CDK5RAP2: variants seen among roughly 807,000 people sequenced by gnomAD.
The protein encoded by CDK5RAP2 is CDK5 regulatory subunit associated protein 2, also known as CDK5 regulatory subunit-associated protein 2.
A neutral mutation model predicts 232.9 loss-of-function variants in CDK5RAP2; 147 were observed. The ratio of observed to expected loss-of-function variants is 0.63; its 90% CI spans 0.55 to 0.72. The LOEUF is 0.72. CDK5RAP2 is among the 30% of genes least tolerant of loss of function. The pLI, the probability that CDK5RAP2 is intolerant of heterozygous loss-of-function variation, is 0.00. For synonymous variants in CDK5RAP2, 833 were observed against 833.7 expected, an observed-to-expected ratio of 1.00 and a Z score of 0.01; for missense variants, 2,195 against 2,231.5, an observed-to-expected ratio of 0.98 and a Z score of 0.33.
chr9:120,442,803 C>G (rs372675953), intron 23 of CDK5RAP2, among the ~76,000 whole-genome samples: 104 of 152,286 alleles, frequency 6.8e-4, no homozygotes, highest in African/African-American at 2.4e-3. Flanking sequence ...TGCAGTGACT[C>G]TGGACCTTGC....
chr9:120,454,967 G>A (rs140703145), intron 20 of CDK5RAP2, among the ~76,000 whole-genome samples: 94 of 152,252 alleles, frequency 6.2e-4, no homozygotes, highest in African/African-American at 2.0e-3. Flanking sequence ...CCATATCTCA[G>A]GCTCTGCTTT....
intron 22 of CDK5RAP2, among the ~76,000 whole-genome samples, chr9:120,447,447 G>A (rs774430173): frequency 3.3e-5 from 5 of 152,208 alleles, no homozygotes; most frequent in Admixed American, 6.5e-5. Context: ...CAAAGAGGGT[G>A]GGGAAGTGGG....
At position 120,403,612 on chromosome 9, in the gene CDK5RAP2, T is replaced by TG; in HGVS notation, c.5041+423dup. 3.3e-6 allele frequency: 1 copy of TG among 303,210 alleles called. No individual in the cohort carries two copies. Among genetic ancestry groups the TG allele is most frequent in the Middle Eastern group, 1.1e-3 (1 of 890 alleles). 18.8% of individuals were successfully genotyped at this position (303,210 alleles called of 1,614,324 possible). A position where few individuals can be genotyped will look rare whatever the true frequency, so the allele number is the denominator to read the frequency against. The stretch of plus-strand genomic sequence containing the variant: ...AGAAATGTGTATTCATGATGAGTCT[T>TG]GAGGAAACGGGACTTCTACCGGCAA... On this transcript the variant is annotated intron_variant, in intron 33 of 37. Transcript: ENST00000349780. This position sits in a 1 kb window ranked among gnomAD's most constrained non-coding sequence, Gnocchi z 4.2.
At position 120,491,494 on chromosome 9, in the gene CDK5RAP2, A is replaced by G. The variant is rs767282019; in HGVS notation, c.1312-17T>C. On this transcript the variant is annotated splice_polypyrimidine_tract_variant and intron_variant, in intron 12 of 37. Coordinates refer to ENST00000349780, the MANE Select transcript of CDK5RAP2 (RefSeq NM_018249.6). ...TCTAAGATCCTACCAGAAGAAAATG[A>G]AAAAATGGAATTTACTTGACAAAAA... 20 of 1,592,414 alleles carry G rather than the reference A, an allele frequency of 1.3e-5. No homozygotes were observed. The South Asian group carries it at 2.2e-4, about 18-fold the overall frequency.
chr9:120,496,027 T>TG (rs2039205286), intron 12 of CDK5RAP2, among the ~76,000 whole-genome samples: 1 of 60,286 alleles, frequency 1.7e-5, no homozygotes, highest in South Asian at 7.2e-4. Flanking sequence ...GGGAGGGAGG[T>TG]GGGGGGGTCA....
intron 10 of CDK5RAP2, among the ~76,000 whole-genome samples, chr9:120,525,557 C>G (rs778213392): frequency 1.6e-4 from 25 of 152,074 alleles, no homozygotes; most frequent in Non-Finnish European, 2.8e-4. Context: ...AGTGTCCTGA[C>G]ACACTGAAGG....
In CDK5RAP2 at chr9:120,458,325, C is replaced by G. The variant is rs1404331983; in HGVS notation, c.2375+125G>C. On this transcript the variant is annotated intron_variant, in intron 20 of 37. Coordinates refer to ENST00000349780, the MANE Select transcript of CDK5RAP2 (RefSeq NM_018249.6). The stretch of plus-strand genomic sequence containing the variant: ...AATTTCATGACTGGCAAGATTCCTT[C>G]CAAGCCATTTCAGGAGCTCTCTCAG... The G allele has an allele frequency of 1.7e-5, 16 of 925,528 alleles. No individual in the cohort carries two copies. In the Admixed American group the frequency reaches 3.2e-4, roughly 19 times the overall value. 57.3% of individuals were successfully genotyped at this position (925,528 alleles called of 1,614,324 possible).
chr9:120,571,832 T>C (rs1435935145), intron 2 of CDK5RAP2, 142 bp downstream of exon 2: 6 of 708,976 alleles, frequency 8.5e-6, no homozygotes, highest in African/African-American at 5.2e-5. Flanking sequence ...AATCAATACA[T>C]ACAAAAAATA....
intron 28 of CDK5RAP2, among the ~76,000 whole-genome samples, chr9:120,414,623 T>C (rs1331023675): frequency 6.6e-6 from 1 of 152,198 alleles, no homozygotes; most frequent in Non-Finnish European, 1.5e-5. Flanking sequence ...AGCACATGAA[T>C]GTCTTACCTA....
chr9:120,400,513 G>C (rs574360390), intron 35 of CDK5RAP2, among the ~76,000 whole-genome samples: 3 of 152,310 alleles, frequency 2.0e-5, no homozygotes, highest in African/African-American at 7.2e-5. Context: ...TGTAGAATGC[G>C]GACGGGATTC....
intron 15 of CDK5RAP2, among the ~76,000 whole-genome samples, chr9:120,472,679 G>A (rs1157484642): frequency 1.3e-5 from 2 of 152,202 alleles, no homozygotes; most frequent in East Asian, 3.8e-4. Flanking sequence ...GAGAGGAGAT[G>A]TAGTGCTAAG....
intron 4 of CDK5RAP2, among the ~76,000 whole-genome samples, chr9:120,546,695 C>G (rs904100294): frequency 6.6e-6 from 1 of 152,080 alleles, no homozygotes; most frequent in African/African-American, 2.4e-5. Context: ...TGCAGTGGTA[C>G]TATCATAGCT....
intron 25 of CDK5RAP2, among the ~76,000 whole-genome samples, chr9:120,423,281 C>T (rs1468491315): frequency 6.6e-6 from 1 of 152,178 alleles, no homozygotes; most frequent in African/African-American, 2.4e-5. Flanking sequence ...TGCATTACCA[C>T]AATTTTGCCA....
Position 120,525,225 on chromosome 9 carries a change from C to T in CDK5RAP2, c.1000-147G>A, listed in dbSNP as rs895864085. On this transcript the variant is annotated intron_variant, in intron 10 of 37. Coordinates refer to ENST00000349780, the MANE Select transcript of CDK5RAP2 (RefSeq NM_018249.6). ...ATTCGAGTGGGATTTCCAGTTTAGC[C>T]GTTTACTAGCTGGATGACTTCAGGC... The T allele has an allele frequency of 3.9e-5, 27 of 689,516 alleles. No homozygotes were observed. In the East Asian group the frequency reaches 5.1e-4, roughly 13 times the overall value. 42.7% of individuals were successfully genotyped at this position (689,516 alleles called of 1,614,324 possible). A position where few individuals can be genotyped will look rare whatever the true frequency, so the allele number is the denominator to read the frequency against.
At chr9:120,528,899 C>T in intron 8 of CDK5RAP2, 102 bp from the exon 9 acceptor site, 1 of 816,956 alleles carries the variant, frequency 1.2e-6, no homozygotes, top group South Asian at 1.4e-5. Flanking sequence ...TCACCTTCCC[C>T]CACTACTGTG....
intron 12 of CDK5RAP2, among the ~76,000 whole-genome samples, chr9:120,494,090 T>TAAAAAAAA (rs532352159): frequency 1.7e-5 from 2 of 119,270 alleles, no homozygotes; most frequent in Non-Finnish European, 3.6e-5. Context: ...AGACTCAGTT[T>TAAAAAAAA]AAAAAAAAAA....
At position 120,430,792 on chromosome 9, in the gene CDK5RAP2, G is replaced by T. The variant is rs1387668722; in HGVS notation, c.3955+6503C>A. On this transcript the variant is annotated intron_variant, in intron 25 of 37. Transcript: ENST00000349780. The stretch of plus-strand genomic sequence containing the variant: ...TACCCAAAGGACTATAAATCATGCT[G>T]CTATAAAGACACATGCACACATATG... 7.9e-5 allele frequency among the ~76,000 whole-genome samples: 12 copies of T among 152,124 alleles called. No homozygotes were observed. The East Asian group carries it at 2.3e-3, about 29-fold the overall frequency.
chr9:120,432,799 C>G (rs549285555), intron 25 of CDK5RAP2, among the ~76,000 whole-genome samples: 1 of 152,282 alleles, frequency 6.6e-6, no homozygotes, highest in African/African-American at 2.4e-5. Context: ...CAGCTGGTGC[C>G]AGAGGCACCC....
intron 14 of CDK5RAP2, among the ~76,000 whole-genome samples, chr9:120,486,792 A>C (rs1013463001): frequency 6.6e-6 from 1 of 152,224 alleles, no homozygotes; most frequent in Admixed American, 6.5e-5. Flanking sequence ...AGGAGTTAGC[A>C]TGTAAACAAG....
Sources: gnomAD v4.1 joint callset for allele counts (sites outside exome capture counted in the v4.1 genomes callset) on GRCh38, gnomAD v4.1.1 for gene constraint, Gnocchi (gnomAD v3.1) non-coding constraint, MANE v1.5 for transcripts, NCBI Gene and HGNC (gene_info 2026-07-23, HGNC 2026-07-21) for gene names.